Variants in CHIA observed in about 807,000 individuals in gnomAD.
CHIA encodes chitinase acidic.
Under a neutral mutation model 53.5 loss-of-function variants are expected in CHIA, and 47 were observed. That is an observed-to-expected ratio of 0.88 (90% CI 0.70 to 1.12). The LOEUF (loss-of-function observed/expected upper bound fraction) is 1.12, where lower values mean the gene tolerates loss of function less well. Among genes scored for constraint, CHIA ranks in the 50% most tolerant of loss-of-function variants. The pLI is 0.00. For missense variants in CHIA, 652 were observed against 592.2 expected, an observed-to-expected ratio of 1.10 and a Z score of -1.05; for synonymous variants, 268 against 222.2, an observed-to-expected ratio of 1.21 and a Z score of -1.83.
intron 1 of CHIA, among the ~76,000 whole-genome samples, chr1:111,293,409 T>C (rs1661144569): frequency 6.6e-6 from 1 of 152,010 alleles, no homozygotes. Flanking sequence ...TCAAGTCCTT[T>C]GTCCATTTTG....
At chr1:111,312,491 G>A (rs1648770953) in intron 4 of CHIA, 100 bp downstream of exon 4, 14 of 949,418 alleles carry the variant, frequency 1.5e-5, no homozygotes, top group Non-Finnish European at 2.0e-5. Context: ...ATCTGAGATG[G>A]GGACCAAGAC....
chr1:111,308,810 C>A (rs1648431881), intron 1 of CHIA, among the ~76,000 whole-genome samples: 1 of 152,148 alleles, frequency 6.6e-6, no homozygotes, highest in South Asian at 2.1e-4. Context: ...GAGGCAGGTT[C>A]TGTATTCTTT....
Position 111,318,542 on chromosome 1 carries a change from T to C in CHIA, c.779T>C (p.Leu260Pro). Reference sequence around the variant, plus strand: ...GACAATGGAGCACCAGCTGAGAAGCTCATCGTTGGATTCCCTACCTATGGA... The same window carrying C: ...GACAATGGAGCACCAGCTGAGAAGCCCATCGTTGGATTCCCTACCTATGGA... ...WKDNGAPAEK[L>P]IVGFPTYGHN... The change falls in exon 9 of 12, where the codon CTC (leucine) becomes CCC (proline). Residue 260 changes from leucine (L) to proline (P), a missense_variant. Leu to Pro is a moderately conservative substitution (Grantham distance 98, BLOSUM62 -3). Coordinates refer to ENST00000369740, the MANE Select transcript of CHIA (RefSeq NM_201653.4). The C allele has an allele frequency of 6.2e-7, 1 of 1,614,196 alleles. No individual in the cohort carries two copies. The highest frequency in any genetic ancestry group is 8.5e-7 in the Non-Finnish European group (1 of 1,180,024).
chr1:111,307,831 G>A (rs1185688962), intron 1 of CHIA, among the ~76,000 whole-genome samples: 1 of 151,804 alleles, frequency 6.6e-6, no homozygotes, highest in African/African-American at 2.4e-5. Flanking sequence ...TAGTAGAGAC[G>A]GGGTTTCACC....
chr1:111,306,162 C>T (rs1484012426), intron 1 of CHIA, among the ~76,000 whole-genome samples: 1 of 152,114 alleles, frequency 6.6e-6, no homozygotes, highest in Non-Finnish European at 1.5e-5. Flanking sequence ...CAATGTTATT[C>T]CATGTAATTC....
At chr1:111,310,546 C>T (rs1466213648) in intron 2 of CHIA, 54 bp downstream of exon 2, 3 of 1,613,016 alleles carry the variant, frequency 1.9e-6, no homozygotes, top group Non-Finnish European at 2.5e-6. Flanking sequence ...CTTTTTCTCT[C>T]ACAGGCTCTG....
At position 111,301,846 on chromosome 1, in the gene CHIA, T is replaced by C. The variant is rs1372938102; in HGVS notation, c.-68-8554T>C. Among the ~76,000 whole-genome samples the C allele has an allele frequency of 2.6e-5, 4 of 151,924 alleles. 1 individual carries two copies. Among genetic ancestry groups the C allele is most frequent in the South Asian group, 4.1e-4 (2 of 4,820 alleles). Reference sequence around the variant, plus strand: ...GCATGTTCTTACTCATAGGTGTAAATTGAACAATGAAAACACTTGGACGTA... The same window carrying C: ...GCATGTTCTTACTCATAGGTGTAAACTGAACAATGAAAACACTTGGACGTA... On this transcript the variant is annotated intron_variant, in intron 1 of 11. Transcript: ENST00000369740.
In CHIA at chr1:111,319,181, A is replaced by G. The variant is rs753037237; in HGVS notation, c.977A>G (p.Tyr326Cys). 6 of 1,611,394 alleles carry G rather than the reference A, an allele frequency of 3.7e-6. No homozygotes were observed. The highest frequency in any genetic ancestry group is 5.1e-6 in the Non-Finnish European group (6 of 1,180,002). Residue 326 changes from tyrosine (Y) to cysteine (C), a missense_variant, in exon 10 of 12, where the codon TAT becomes TGT. Tyr to Cys is a radical substitution (Grantham distance 194). Coordinates refer to ENST00000369740, the MANE Select transcript of CHIA (RefSeq NM_201653.4). ...QGWDAPQEVP[Y>C]AYQGNVWVGY... ...TGGGATGCCCCTCAGGAAGTGCCTT[A>G]TGCCTATCAGGGCAATGTGTGGGTT...
At chr1:111,312,162 C>A (rs905754758) in intron 3 of CHIA, 28 bp from the exon 4 acceptor site, 2 of 1,588,678 alleles carry the variant, frequency 1.3e-6, no homozygotes, top group Admixed American at 1.7e-5. Flanking sequence ...TAAACCAGGC[C>A]ATTGTCCCTC....
At chr1:111,317,954 A>G (rs202033965) in intron 7 of CHIA, 32 bp from the exon 8 acceptor site, 1 of 1,613,738 alleles carries the variant, frequency 6.2e-7, no homozygotes, top group African/African-American at 1.3e-5. Context: ...AATGACCATC[A>G]GAATGATTTT....
At chr1:111,300,684 T>C (rs1033345726) in intron 1 of CHIA, among the ~76,000 whole-genome samples, 1 of 152,164 alleles carries the variant, frequency 6.6e-6, no homozygotes, top group Non-Finnish European at 1.5e-5. Flanking sequence ...AAGGACTTCA[T>C]GACTAAAACA....
chr1:111,311,867 T>G, intron 3 of CHIA, 149 bp downstream of exon 3: 1 of 824,540 alleles, frequency 1.2e-6, no homozygotes, highest in Non-Finnish European at 2.0e-6. Flanking sequence ...TGCTATCCTC[T>G]TCAGCATGAC....
chr1:111,297,916 A>C (rs1371478112), intron 1 of CHIA, among the ~76,000 whole-genome samples: 1 of 149,212 alleles, frequency 6.7e-6, no homozygotes, highest in Non-Finnish European at 1.5e-5. Context: ...AAAAAAAAAA[A>C]AAAAAAAAAC....
chr1:111,303,927 T>C (rs778094550), intron 1 of CHIA, among the ~76,000 whole-genome samples: 1 of 152,214 alleles, frequency 6.6e-6, no homozygotes, highest in Non-Finnish European at 1.5e-5. Context: ...GACAGGTCTA[T>C]TGGTAACAAA....
intron 1 of CHIA, 81 bp downstream of exon 1, chr1:111,291,031 T>C (rs1480427822): frequency 6.1e-6 from 2 of 330,242 alleles, no homozygotes; most frequent in Non-Finnish European, 5.9e-6. Flanking sequence ...GCTTATTATA[T>C]CAAGTTGTTT....
At chr1:111,319,540 T>G in intron 11 of CHIA, 72 bp downstream of exon 11, 2 of 1,424,960 alleles carry the variant, frequency 1.4e-6, no homozygotes, top group Non-Finnish European at 2.0e-6. Flanking sequence ...CCCTGATGTC[T>G]TCCCACCTCC....
intron 1 of CHIA, among the ~76,000 whole-genome samples, chr1:111,307,574 T>A (rs1049193362): frequency 6.6e-6 from 1 of 152,010 alleles, no homozygotes; most frequent in Non-Finnish European, 1.5e-5. Context: ...GAGAAGTATG[T>A]AGGGTAATAG....
intron 6 of CHIA, chr1:111,315,755 G>A (rs1287683538): frequency 8.6e-6 from 4 of 467,590 alleles, no homozygotes; most frequent in Non-Finnish European, 1.7e-5. Flanking sequence ...AAAGTACAGA[G>A]AGGATTTAAG....
intron 5 of CHIA, 66 bp downstream of exon 5, chr1:111,314,662 C>G: frequency 8.8e-7 from 1 of 1,140,826 alleles, no homozygotes; most frequent in Non-Finnish European, 1.3e-6. Context: ...CATGTGATCA[C>G]TGTCCCTTTA....
Sources: allele counts gnomAD v4.1 joint callset (sites outside exome capture counted in the v4.1 genomes callset), GRCh38; gene constraint gnomAD v4.1.1; transcripts MANE v1.5; gene names NCBI Gene and HGNC (gene_info 2026-07-23, HGNC 2026-07-21).